Variants in ADCY5 observed in about 807,000 individuals in gnomAD.
ADCY5 encodes adenylate cyclase type 5.
A neutral mutation model predicts 119.7 loss-of-function variants in ADCY5; 30 were observed. The observed-to-expected ratio is 0.25, with a 90% CI of 0.19 to 0.34. The LOEUF (loss-of-function observed/expected upper bound fraction) is 0.34, where lower values mean the gene tolerates loss of function less well. Among genes scored for constraint, ADCY5 ranks in the 10% least tolerant of loss-of-function variants. The probability of loss-of-function intolerance (pLI) is 1.00; values close to 1 mark genes in which losing one functional copy is unlikely to be tolerated. For missense variants in ADCY5, 1,324 were observed against 1,775.2 expected (o/e 0.75, Z 4.57); for synonymous variants, 753 against 762.2 (o/e 0.99, Z 0.20).
chr3:123,312,908 TG>T (rs199900221), intron 12 of ADCY5, among the ~76,000 whole-genome samples: 4 of 143,998 alleles, frequency 2.8e-5, no homozygotes, highest in South Asian at 2.1e-4. Context: ...TAAAGCAGGC[TG>T]GGGGGGGCCT....
intron 1 of ADCY5, among the ~76,000 whole-genome samples, chr3:123,357,798 C>T (rs1943091786): frequency 6.6e-6 from 1 of 152,188 alleles, no homozygotes; most frequent in South Asian, 2.1e-4. Flanking sequence ...AGATGCTCCG[C>T]TTATGAATAG....
chr3:123,396,670 G>GA (rs1052403549), intron 1 of ADCY5, among the ~76,000 whole-genome samples: 1 of 143,418 alleles, frequency 7.0e-6, no homozygotes, highest in Non-Finnish European at 1.5e-5. Flanking sequence ...GGGAAAGACG[G>GA]AAAATAAGAA....
rs1938810825 is a variant in ADCY5, at chr3:123,286,899, C to T, written c.3533-90G>A. The stretch of plus-strand genomic sequence containing the variant: ...CCCCACATGCTGCAGGTCCTTCTGA[C>T]TCCCAACCTGAGACACCCGTGGGCT... On this transcript the variant is annotated intron_variant, in intron 19 of 20. Coordinates refer to ENST00000462833, the MANE Select transcript of ADCY5 (RefSeq NM_183357.3). The surrounding 1 kb of genome is among the most constrained non-coding windows in gnomAD (Gnocchi z 4.2). 6.7e-7 allele frequency: 1 copy of T among 1,485,496 alleles called. No homozygotes were observed. 92.0% of individuals were successfully genotyped at this position (1,485,496 alleles called of 1,614,324 possible).
intron 1 of ADCY5, among the ~76,000 whole-genome samples, chr3:123,393,338 G>A (rs527704793): frequency 6.8e-6 from 1 of 146,542 alleles, no homozygotes; most frequent in South Asian, 2.2e-4. Flanking sequence ...GATTACACAA[G>A]GACAGGAGTT....
At chr3:123,404,047 T>C (rs954820824) in intron 1 of ADCY5, among the ~76,000 whole-genome samples, 5 of 152,016 alleles carry the variant, frequency 3.3e-5, no homozygotes, top group Admixed American at 1.3e-4. Context: ...AAGAAAGGAG[T>C]AAGACCCACT....
chr3:123,417,613 G>C (rs1945215021), intron 1 of ADCY5, among the ~76,000 whole-genome samples: 1 of 152,224 alleles, frequency 6.6e-6, no homozygotes, highest in Admixed American at 6.5e-5. Context: ...TCTACAAATA[G>C]AGGAAGTAAC....
At chr3:123,319,840 CG>C in intron 9 of ADCY5, 22 bp from the exon 10 acceptor site, 1 of 1,609,102 alleles carries the variant, frequency 6.2e-7, no homozygotes, top group Non-Finnish European at 8.5e-7. Flanking sequence ...AAGGCACGGG[CG>C]TGAGACAGGC....
At chr3:123,367,002 A>AATC (rs1559840595) in intron 1 of ADCY5, among the ~76,000 whole-genome samples, 2 of 152,354 alleles carry the variant, frequency 1.3e-5, no homozygotes, top group East Asian at 3.9e-4. Context: ...CCTGATTTCA[A>AATC]ATCTTCTGCC....
At chr3:123,333,982 C>A (rs987855401) in intron 3 of ADCY5, among the ~76,000 whole-genome samples, 1 of 152,136 alleles carries the variant, frequency 6.6e-6, no homozygotes, top group African/African-American at 2.4e-5. Flanking sequence ...CCTCAGTGCA[C>A]CAGCTGGTGA....
intron 1 of ADCY5, among the ~76,000 whole-genome samples, chr3:123,360,621 C>T (rs1943217140): frequency 6.6e-6 from 1 of 152,146 alleles, no homozygotes; most frequent in African/African-American, 2.4e-5. Flanking sequence ...CAGCTACTCA[C>T]TGTGTCTGAA....
chr3:123,448,024 C>G lies in ADCY5; in HGVS notation c.522G>C (p.Glu174Asp), dbSNP rs1479419861. ...CCTCGCCGCCCTCGACGGCGCCGGCCTCCAGCTCGTCGGCCGCGCGCCCCT... is the reference window on the plus strand; with the variant it reads ...CCTCGCCGCCCTCGACGGCGCCGGCGTCCAGCTCGTCGGCCGCGCGCCCCT... The part of the protein sequence containing the change: ...RGKGRAADEL[E>D]AGAVEGGEGS... The change falls in exon 1 of 21, where the codon GAG becomes GAC. Residue 174 changes from glutamate (E) to aspartate (D), a missense_variant. Physicochemically the swap from Glu to Asp is conservative, Grantham distance 45 (BLOSUM62 2). Transcript: ENST00000462833. The G allele has an allele frequency of 4.7e-6, 6 of 1,265,312 alleles. No homozygotes were observed. Among genetic ancestry groups the G allele is most frequent in the East Asian group, 6.6e-5 (2 of 30,190 alleles). The allele number at this position is 1,265,312 out of a possible 1,614,324, so 78.4% of individuals were successfully genotyped here.
chr3:123,395,551 T>C (rs1408229561), intron 1 of ADCY5, among the ~76,000 whole-genome samples: 2 of 152,170 alleles, frequency 1.3e-5, no homozygotes, highest in Admixed American at 6.5e-5. Context: ...CAGCACCTGG[T>C]GGACCTTCAA....
intron 1 of ADCY5, among the ~76,000 whole-genome samples, chr3:123,362,712 A>C (rs898265379): frequency 6.6e-6 from 1 of 152,146 alleles, no homozygotes; most frequent in Non-Finnish European, 1.5e-5. Context: ...GGAGGACATA[A>C]ACTCTGCAGG....
At chr3:123,446,441 G>T (rs1206235916) in intron 1 of ADCY5, among the ~76,000 whole-genome samples, 2 of 152,174 alleles carry the variant, frequency 1.3e-5, no homozygotes, top group Non-Finnish European at 2.9e-5. Flanking sequence ...CAGTGGAGCA[G>T]CATGCAAACA....
intron 7 of ADCY5, among the ~76,000 whole-genome samples, chr3:123,327,264 G>A (rs1941536658): frequency 6.6e-6 from 1 of 152,286 alleles, no homozygotes; most frequent in South Asian, 2.1e-4. Context: ...GAGAGATTAG[G>A]GCAAGTGTCC....
rs916116027 is a variant in ADCY5 at position 123,448,620 on chromosome 3, G to C, written c.-75C>G. The stretch of plus-strand genomic sequence containing the variant: ...GGGGGTCTCCAAGGGGAGGGCGGAC[G>C]GCCGAGCAGGGGGACCAGGCTAGGG... On this transcript the variant is annotated 5_prime_UTR_variant, in exon 1 of 21. Coordinates refer to ENST00000462833, the MANE Select transcript of ADCY5 (RefSeq NM_183357.3). 4.9e-6 allele frequency: 6 copies of C among 1,235,502 alleles called. No homozygotes were observed. In the African/African-American group the frequency reaches 9.4e-5, roughly 19 times the overall value. 76.5% of individuals were successfully genotyped at this position (1,235,502 alleles called of 1,614,324 possible).
chr3:123,318,007 CG>C lies in ADCY5; in HGVS notation c.2354+12del, dbSNP rs1559801180. The C allele has an allele frequency of 6.2e-7, 1 of 1,609,040 alleles. No homozygotes were observed. Among genetic ancestry groups the C allele is most frequent in the African/African-American group, 1.3e-5 (1 of 74,768 alleles). On this transcript the variant is annotated intron_variant, in intron 11 of 20. Coordinates refer to ENST00000462833, the MANE Select transcript of ADCY5 (RefSeq NM_183357.3). ...GCCAGAGGAAGGAGCCCAAGAGGGA[CG>C]GGGATACTCACTGGGGCACGATGGT...
intron 1 of ADCY5, among the ~76,000 whole-genome samples, chr3:123,443,809 T>C (rs1437834945): frequency 1.3e-5 from 2 of 152,154 alleles, no homozygotes; most frequent in Admixed American, 1.3e-4. Context: ...TCAGAAACCA[T>C]GTCAGGCAGA....
intron 3 of ADCY5, among the ~76,000 whole-genome samples, chr3:123,345,735 G>GAGACAGACAGAC (rs770505529): frequency 1.4e-5 from 2 of 144,148 alleles, no homozygotes; most frequent in South Asian, 2.2e-4. Flanking sequence ...CAGAGACAGA[G>GAGACAGACAGAC]AGACAGACAG....
Sources: allele counts gnomAD v4.1 joint callset (sites outside exome capture counted in the v4.1 genomes callset), GRCh38; gene constraint gnomAD v4.1.1; non-coding constraint Gnocchi (gnomAD v3.1); transcripts MANE v1.5; gene names NCBI Gene and HGNC (gene_info 2026-07-23, HGNC 2026-07-21).